B4GALT5: variants seen among roughly 807,000 people sequenced by gnomAD.
B4GALT5 encodes the protein UDP-Gal:beta-GlcNAc beta-1,4-galactosyltransferase 5.
In B4GALT5, 11 loss-of-function variants were observed where a neutral mutation model predicts 45.0. The observed-to-expected ratio is 0.24, with a 90% CI of 0.15 to 0.40. The LOEUF (loss-of-function observed/expected upper bound fraction) is 0.40. B4GALT5 is among the 10% of genes least tolerant of loss of function. The pLI is 1.00. For missense variants in B4GALT5, 337 were observed against 500.2 expected (o/e 0.67, Z 3.11); for synonymous variants, 185 against 182.9 (o/e 1.01, Z -0.09).
intron 1 of B4GALT5, among the ~76,000 whole-genome samples, chr20:49,695,750 T>G (rs2085837204): frequency 6.6e-6 from 1 of 151,718 alleles, no homozygotes; most frequent in Admixed American, 6.6e-5. Flanking sequence ...CAGAACTATT[T>G]AATATAATCA....
At chr20:49,648,952 C>T (rs2085610136) in intron 2 of B4GALT5, among the ~76,000 whole-genome samples, 1 of 152,136 alleles carries the variant, frequency 6.6e-6, no homozygotes, top group South Asian at 2.1e-4. Context: ...CATGCTGATT[C>T]TATGAAAATT....
intron 6 of B4GALT5, 128 bp from the exon 7 acceptor site, chr20:49,639,928 A>C (rs1305467433): frequency 4.7e-6 from 6 of 1,268,772 alleles, no homozygotes; most frequent in Non-Finnish European, 6.4e-6. Flanking sequence ...GAATGTATCA[A>C]ATTAGCAAAA....
At chr20:49,708,721 G>A (rs1250001016) in intron 1 of B4GALT5, among the ~76,000 whole-genome samples, 1 of 152,158 alleles carries the variant, frequency 6.6e-6, no homozygotes, top group African/African-American at 2.4e-5. Context: ...GCCAAGGTGG[G>A]CAGACCACGA....
At chr20:49,684,720 G>A in intron 1 of B4GALT5, 1 of 497,314 alleles carries the variant, frequency 2.0e-6, no homozygotes, top group Non-Finnish European at 4.0e-6. Context: ...CCACGTCCTT[G>A]TTCAAATAAT....
At chr20:49,702,566 C>T (rs1179829453) in intron 1 of B4GALT5, among the ~76,000 whole-genome samples, 2 of 152,100 alleles carry the variant, frequency 1.3e-5, no homozygotes, top group African/African-American at 4.8e-5. Flanking sequence ...GTAAAGAACT[C>T]CTAACAGGCC....
At chr20:49,641,879 A>G (rs2085578405) in intron 5 of B4GALT5, among the ~76,000 whole-genome samples, 1 of 152,214 alleles carries the variant, frequency 6.6e-6, no homozygotes, top group African/African-American at 2.4e-5. Flanking sequence ...CGGCAAGAGA[A>G]AACCACAGTA....
At chr20:49,658,239 T>C (rs1174191522) in intron 1 of B4GALT5, among the ~76,000 whole-genome samples, 2 of 152,172 alleles carry the variant, frequency 1.3e-5, no homozygotes, top group African/African-American at 4.8e-5. Context: ...TATAACTGTG[T>C]GAAGTCTCTG....
At chr20:49,653,468 G>A (rs2085630415) in intron 2 of B4GALT5, among the ~76,000 whole-genome samples, 1 of 152,232 alleles carries the variant, frequency 6.6e-6, no homozygotes, top group Non-Finnish European at 1.5e-5. Flanking sequence ...CTATGTGCGA[G>A]GCAGTGTATA....
intron 1 of B4GALT5, among the ~76,000 whole-genome samples, chr20:49,680,641 G>A (rs1443412227): frequency 6.6e-6 from 1 of 152,196 alleles, no homozygotes; most frequent in Admixed American, 6.5e-5. Context: ...AATAGAGGTT[G>A]AGAAGGGGAC....
At position 49,676,043 on chromosome 20, in the gene B4GALT5, C is replaced by T. The variant is rs1461443465; in HGVS notation, c.116-19341G>A. ...ATTATTGCATCCTCCCCCAACCCAA[C>T]CCCCCCAGACAAAGCTTGGCATTTT... On this transcript the variant is annotated intron_variant, in intron 1 of 8. Coordinates refer to ENST00000371711, the MANE Select transcript of B4GALT5 (RefSeq NM_004776.4). Among the ~76,000 whole-genome samples the T allele has an allele frequency of 4.7e-5, 7 of 149,464 alleles. No homozygotes were observed. The South Asian group carries it at 1.1e-3, about 23-fold the overall frequency.
chr20:49,644,058 G>C (rs1481980988), intron 3 of B4GALT5, among the ~76,000 whole-genome samples: 5 of 150,236 alleles, frequency 3.3e-5, no homozygotes. Flanking sequence ...CTCCTGAGTA[G>C]CTGCGGTTAC....
intron 1 of B4GALT5, among the ~76,000 whole-genome samples, chr20:49,704,535 C>T (rs995667072): frequency 4.6e-5 from 7 of 151,438 alleles, no homozygotes; most frequent in Non-Finnish European, 1.0e-4. Context: ...CCGGCTAAAA[C>T]GGTGAAACCC....
At chr20:49,637,497 G>T in intron 7 of B4GALT5, 55 bp from the exon 8 acceptor site, 2 of 1,313,472 alleles carry the variant, frequency 1.5e-6, no homozygotes, top group Non-Finnish European at 2.2e-6. Flanking sequence ...GCCCAGGAGT[G>T]ACCAAAGCCT....
intron 1 of B4GALT5, among the ~76,000 whole-genome samples, chr20:49,668,486 G>A (rs2085701577): frequency 6.6e-6 from 1 of 151,144 alleles, no homozygotes; most frequent in Non-Finnish European, 1.5e-5. Flanking sequence ...CACATGCACA[G>A]CCACATAACC....
At chr20:49,649,618 C>T (rs1042195044) in intron 2 of B4GALT5, among the ~76,000 whole-genome samples, 3 of 151,946 alleles carry the variant, frequency 2.0e-5, no homozygotes, top group African/African-American at 7.3e-5. Context: ...CAAGACAGAA[C>T]CTTAAAGATA....
chr20:49,636,957 G>A (rs1214211793), intron 8 of B4GALT5, among the ~76,000 whole-genome samples: 1 of 142,332 alleles, frequency 7.0e-6, no homozygotes. Context: ...AGGTAACACA[G>A]CAACTGCAGC....
intron 2 of B4GALT5, among the ~76,000 whole-genome samples, chr20:49,650,432 AAT>A (rs2085616818): frequency 6.7e-6 from 1 of 148,718 alleles, no homozygotes; most frequent in Admixed American, 6.8e-5. Flanking sequence ...CAGCCTGGCC[AAT>A]ATGGTGAAAC....
rs1190033520 is a variant in B4GALT5, at chr20:49,635,220, C to T, written c.*1092G>A. 6.6e-6 allele frequency: 1 copy of T among 151,968 alleles called. No homozygotes were observed. The highest frequency in any genetic ancestry group is 2.4e-5 in the African/African-American group (1 of 41,298). The allele number at this position is 151,968 out of a possible 1,614,324, so 9.4% of individuals were successfully genotyped here. ...AGTAAGAGGGGGAGGGATTCCCATA[C>T]ACACCCCCGCCCCCCGCCCCCCGCC... On this transcript the variant is annotated 3_prime_UTR_variant, in exon 9 of 9. Transcript: ENST00000371711.
At chr20:49,672,587 C>T (rs767925478) in intron 1 of B4GALT5, among the ~76,000 whole-genome samples, 1 of 152,130 alleles carries the variant, frequency 6.6e-6, no homozygotes, top group Non-Finnish European at 1.5e-5. Flanking sequence ...CAGACATAAA[C>T]TTTTCTTTCT....
Sources: allele counts gnomAD v4.1 joint callset (sites outside exome capture counted in the v4.1 genomes callset), GRCh38; gene constraint gnomAD v4.1.1; transcripts MANE v1.5; gene names NCBI Gene and HGNC (gene_info 2026-07-23, HGNC 2026-07-21).